MACROD2: variants seen among roughly 807,000 people sequenced by gnomAD.
The protein encoded by MACROD2 is ADP-ribose glycohydrolase MACROD2.
Under a neutral mutation model 70.4 loss-of-function variants are expected in MACROD2, and 36 were observed. The observed-to-expected ratio is 0.51, with a 90% CI of 0.39 to 0.68. The LOEUF (loss-of-function observed/expected upper bound fraction) is 0.68, where lower values mean the gene tolerates loss of function less well. Ranked by LOEUF, MACROD2 falls within the 30% of genes least tolerant of loss-of-function variation. The pLI is 0.00. For synonymous variants in MACROD2, 172 were observed against 178.8 expected (o/e 0.96, Z 0.30); for missense variants, 496 against 538.4 (o/e 0.92, Z 0.78).
intron 5 of MACROD2, among the ~76,000 whole-genome samples, chr20:15,074,948 A>G (rs999797375): frequency 7.9e-5 from 12 of 152,222 alleles, no homozygotes; most frequent in Non-Finnish European, 1.0e-4. Flanking sequence ...TCACAAAAGA[A>G]AAGAGATATG....
intron 8 of MACROD2, among the ~76,000 whole-genome samples, chr20:15,518,308 A>C (rs1416012172): frequency 3.9e-5 from 6 of 152,246 alleles, no homozygotes; most frequent in Non-Finnish European, 5.9e-5. Context: ...AAGATTGATG[A>C]AATGGTGGTG....
chr20:14,678,750 T>G (rs2070893077), intron 4 of MACROD2, among the ~76,000 whole-genome samples: 1 of 152,078 alleles, frequency 6.6e-6, no homozygotes, highest in African/African-American at 2.4e-5. Flanking sequence ...CTTTGTGAAG[T>G]CAAAAGGCAA....
chr20:16,006,256 G>T (rs376711964), intron 15 of MACROD2, among the ~76,000 whole-genome samples: 9 of 152,304 alleles, frequency 5.9e-5, no homozygotes, highest in African/African-American at 2.2e-4. Flanking sequence ...CATCGGGTCA[G>T]TTGGTTCCTT....
chr20:15,381,221 G>A (rs1352631308), intron 6 of MACROD2, among the ~76,000 whole-genome samples: 1 of 151,798 alleles, frequency 6.6e-6, no homozygotes, highest in East Asian at 1.9e-4. Flanking sequence ...TTTTTAGAGA[G>A]CTCTTTGTTA....
At position 14,718,647 on chromosome 20, in the gene MACROD2, A is replaced by C. The variant is rs192792058; in HGVS notation, c.418+33688A>C. Among the ~76,000 whole-genome samples, 487 of 152,280 alleles carry C rather than the reference A, an allele frequency of 3.2e-3. 5 individuals are homozygous for C. The highest frequency in any genetic ancestry group is 0.014 in the Middle Eastern group (4 of 294). On this transcript the variant is annotated intron_variant, in intron 5 of 17. Coordinates refer to ENST00000684519, the MANE Select transcript of MACROD2 (RefSeq NM_001351661.2). The stretch of plus-strand genomic sequence containing the variant: ...TTGCCTGGATGGGAAACCTGGTTTA[A>C]ACATTTAAATGATCAGAATCAGAGC...
chr20:14,374,205 C>A (rs1600173763), intron 3 of MACROD2, among the ~76,000 whole-genome samples: 1 of 152,122 alleles, frequency 6.6e-6, no homozygotes, highest in Non-Finnish European at 1.5e-5. Context: ...TAGCTTCTAA[C>A]AAGGTATATT....
chr20:14,071,073 A>G (rs555990651), intron 2 of MACROD2, among the ~76,000 whole-genome samples: 4 of 152,258 alleles, frequency 2.6e-5, no homozygotes, highest in African/African-American at 9.6e-5. Flanking sequence ...GATGATCTTC[A>G]GGGAGTTTGA....
At chr20:14,957,771 A>G (rs143705427) in intron 5 of MACROD2, among the ~76,000 whole-genome samples, 7 of 152,234 alleles carry the variant, frequency 4.6e-5, no homozygotes, top group Admixed American at 3.9e-4. Context: ...TGTATTTTAA[A>G]TTGTTTTGTT....
chr20:14,166,106 A>C (rs1258557078), intron 3 of MACROD2, among the ~76,000 whole-genome samples: 1 of 152,198 alleles, frequency 6.6e-6, no homozygotes, highest in Non-Finnish European at 1.5e-5. Flanking sequence ...ATCATAAGTA[A>C]ATGGTAAAAT....
At chr20:15,793,566 T>TA (rs1399580229) in intron 8 of MACROD2, among the ~76,000 whole-genome samples, 4 of 151,762 alleles carry the variant, frequency 2.6e-5, no homozygotes, top group Admixed American at 6.6e-5. Context: ...GCCATACTGT[T>TA]AAAAAAAATT....
intron 3 of MACROD2, among the ~76,000 whole-genome samples, chr20:14,153,950 T>C (rs1301643310): frequency 6.6e-6 from 1 of 152,242 alleles, no homozygotes; most frequent in African/African-American, 2.4e-5. Flanking sequence ...CAACACCCTT[T>C]GCCAGTTTGG....
Position 15,157,354 on chromosome 20 carries a change from CCCCCA to C in MACROD2, c.419-72583_419-72579del, listed in dbSNP as rs1393815800. 8.9e-3 allele frequency among the ~76,000 whole-genome samples: 83 copies of C among 9,274 alleles called. 4 individuals are homozygous for C. Among genetic ancestry groups the C allele is most frequent in the African/African-American group, 0.033 (80 of 2,460 alleles). The allele number at this position is 9,274 out of a possible 152,430, so 6.1% of individuals were successfully genotyped here. A position where few individuals can be genotyped will look rare whatever the true frequency, so the allele number is the denominator to read the frequency against. ...TCATCTAAATCTAATTAACCACCCC[CCCCCA>C]CCTCCCCCCCCCCCGGCCACCCAGG... On this transcript the variant is annotated intron_variant, in intron 5 of 17. Transcript: ENST00000684519.
chr20:14,784,931 G>A (rs1226902040), intron 5 of MACROD2, among the ~76,000 whole-genome samples: 1 of 151,988 alleles, frequency 6.6e-6, no homozygotes, highest in Non-Finnish European at 1.5e-5. Context: ...CATTACAAAT[G>A]AGAAAACAGG....
At chr20:15,536,049 A>G (rs1302946150) in intron 8 of MACROD2, among the ~76,000 whole-genome samples, 1 of 152,180 alleles carries the variant, frequency 6.6e-6, no homozygotes, top group Admixed American at 6.5e-5. Context: ...TATAAGAACA[A>G]TAAAACTGCA....
intron 3 of MACROD2, among the ~76,000 whole-genome samples, chr20:14,213,540 A>G (rs1317952480): frequency 1.3e-5 from 2 of 151,824 alleles, no homozygotes; most frequent in African/African-American, 4.8e-5. Context: ...AAGCATAGCA[A>G]GCAACCTTGT....
At chr20:15,630,636 G>A (rs775868493) in intron 8 of MACROD2, among the ~76,000 whole-genome samples, 27 of 152,222 alleles carry the variant, frequency 1.8e-4, no homozygotes, top group Non-Finnish European at 4.0e-4. Flanking sequence ...AATGGGGAAT[G>A]GAGAATAAAT....
intron 3 of MACROD2, among the ~76,000 whole-genome samples, chr20:14,207,085 A>G (rs1484921585): frequency 6.6e-6 from 1 of 152,132 alleles, no homozygotes; most frequent in East Asian, 1.9e-4. Flanking sequence ...CCATCAATGG[A>G]ATCAAAAGCA....
intron 8 of MACROD2, among the ~76,000 whole-genome samples, chr20:15,607,545 A>C (rs545264316): frequency 6.6e-6 from 1 of 152,202 alleles, no homozygotes; most frequent in South Asian, 2.1e-4. Flanking sequence ...TTATTTATTT[A>C]TTTTTTGAGA....
chr20:15,062,592 A>C (rs1191068799), intron 5 of MACROD2, among the ~76,000 whole-genome samples: 2 of 152,170 alleles, frequency 1.3e-5, no homozygotes, highest in Non-Finnish European at 2.9e-5. Context: ...ACTGAGCTAA[A>C]GTGTTAATAA....
Sources: allele counts gnomAD v4.1 joint callset (sites outside exome capture counted in the v4.1 genomes callset), GRCh38; gene constraint gnomAD v4.1.1; transcripts MANE v1.5; gene names NCBI Gene and HGNC (gene_info 2026-07-23, HGNC 2026-07-21).